The following SPOCK3 variants were observed in gnomAD, a reference collection of about 807,000 sequenced individuals.
The protein encoded by SPOCK3 is testican-3.
In SPOCK3, 30 loss-of-function variants were observed where a neutral mutation model predicts 56.6. That is an observed-to-expected ratio of 0.53 (90% confidence interval 0.40 to 0.72). The LOEUF (loss-of-function observed/expected upper bound fraction) is 0.72, where lower values mean the gene tolerates loss of function less well. Among genes scored for constraint, SPOCK3 ranks in the 30% least tolerant of loss-of-function variants. SPOCK3 has a pLI of 0.00. For missense variants in SPOCK3, 527 were observed against 530.0 expected (o/e 0.99, Z 0.06); for synonymous variants, 196 against 183.3 (o/e 1.07, Z -0.56).
intron 3 of SPOCK3, among the ~76,000 whole-genome samples, chr4:167,035,994 C>G (rs115435623): frequency 0.013 from 1,959 of 152,272 alleles, 21 homozygotes; most frequent in Non-Finnish European, 0.019. Context: ...AATATCACTA[C>G]AGATTACATT....
chr4:166,768,668 G>T (rs1268148126), intron 7 of SPOCK3, among the ~76,000 whole-genome samples: 2 of 152,064 alleles, frequency 1.3e-5, no homozygotes, highest in Non-Finnish European at 2.9e-5. Context: ...ACGTATCTTG[G>T]AGTTGCTCTT....
intron 3 of SPOCK3, among the ~76,000 whole-genome samples, chr4:167,040,434 C>T (rs1019970623): frequency 5.9e-5 from 9 of 152,182 alleles, no homozygotes; most frequent in Non-Finnish European, 1.3e-4. Flanking sequence ...TTGGAAATAG[C>T]AAGCCTCATT....
intron 6 of SPOCK3, among the ~76,000 whole-genome samples, chr4:166,826,851 C>G (rs1204926507): frequency 6.6e-6 from 1 of 152,034 alleles, no homozygotes; most frequent in Non-Finnish European, 1.5e-5. Context: ...CCACCTCTAG[C>G]CCTCGAAGAG....
In SPOCK3 at chr4:166,792,246, C is replaced by G; in HGVS notation, c.633G>C (p.Arg211=). ...TTTCATGAAGGGCCTTGAACCAGTC[C>G]CGCAATCTGTTTGCCACTTCCCTGA... is the stretch of plus-strand genomic sequence containing the variant. ...LEFREVANRL[R]DWFKALHESG... Residue 211 remains arginine, a synonymous_variant, in exon 7 of 11, where the codon CGG becomes CGC. Coordinates refer to ENST00000357545, the MANE Select transcript of SPOCK3 (RefSeq NM_001040159.2). 6.2e-7 allele frequency: 1 copy of G among 1,613,782 alleles called. No homozygotes were observed. Among genetic ancestry groups the G allele is most frequent in the Non-Finnish European group, 8.5e-7 (1 of 1,179,826 alleles).
At chr4:167,180,269 A>G (rs1440076557) in intron 2 of SPOCK3, among the ~76,000 whole-genome samples, 2 of 152,182 alleles carry the variant, frequency 1.3e-5, no homozygotes, top group Non-Finnish European at 2.9e-5. Context: ...GGAGGAGGAC[A>G]TATGCCAAGG....
intron 3 of SPOCK3, among the ~76,000 whole-genome samples, chr4:167,003,709 C>A (rs1749176133): frequency 6.6e-6 from 1 of 152,196 alleles, no homozygotes; most frequent in African/African-American, 2.4e-5. Context: ...CATTTGACTT[C>A]ACTTGGCTAT....
At chr4:167,206,502 T>A (rs1734349711) in intron 2 of SPOCK3, among the ~76,000 whole-genome samples, 1 of 152,096 alleles carries the variant, frequency 6.6e-6, no homozygotes, top group South Asian at 2.1e-4. Flanking sequence ...CATTAAAAAA[T>A]AAAACTATTA....
intron 4 of SPOCK3, among the ~76,000 whole-genome samples, chr4:166,919,810 C>T (rs1488710320): frequency 1.3e-5 from 2 of 152,014 alleles, no homozygotes; most frequent in Non-Finnish European, 2.9e-5. Context: ...AATTAATTAC[C>T]TCATTAAAAG....
intron 2 of SPOCK3, among the ~76,000 whole-genome samples, chr4:167,194,152 T>C (rs1732720524): frequency 8.0e-6 from 1 of 125,208 alleles, no homozygotes; most frequent in Admixed American, 8.7e-5. Flanking sequence ...GTTTTTGAGT[T>C]CACTGATTCT....
intron 6 of SPOCK3, among the ~76,000 whole-genome samples, chr4:166,881,423 T>A (rs892345202): frequency 5.3e-5 from 8 of 152,000 alleles, no homozygotes; most frequent in Non-Finnish European, 1.2e-4. Context: ...ACATACAGTG[T>A]CTTTACTTCA....
intron 7 of SPOCK3, among the ~76,000 whole-genome samples, chr4:166,788,832 G>A (rs544657247): frequency 1.3e-5 from 2 of 151,860 alleles, no homozygotes; most frequent in East Asian, 3.9e-4. Context: ...TGAATAAAAT[G>A]TAAAAATTAT....
chr4:167,231,778 A>G (rs1363978836), intron 2 of SPOCK3, among the ~76,000 whole-genome samples: 1 of 152,100 alleles, frequency 6.6e-6, no homozygotes, highest in Admixed American at 6.5e-5. Flanking sequence ...CATACCTTTC[A>G]TCATGTTAAT....
chr4:166,809,867 C>T (rs1225415005), intron 6 of SPOCK3, among the ~76,000 whole-genome samples: 4 of 151,920 alleles, frequency 2.6e-5, no homozygotes, highest in Non-Finnish European at 5.9e-5. Flanking sequence ...TGGAGCAAGA[C>T]AAAAATTAAG....
At chr4:166,773,429 TG>T (rs1479058714) in intron 7 of SPOCK3, among the ~76,000 whole-genome samples, 15 of 132,798 alleles carry the variant, frequency 1.1e-4, no homozygotes, top group Non-Finnish European at 2.3e-4. Flanking sequence ...TAAAAGTAAC[TG>T]TTTCTTTTAA....
chr4:167,101,933 C>T (rs1291323818), intron 2 of SPOCK3, among the ~76,000 whole-genome samples: 2 of 151,548 alleles, frequency 1.3e-5, no homozygotes, highest in Non-Finnish European at 2.9e-5. Context: ...ATGTTGACCT[C>T]GTGATCTGCC....
chr4:166,962,223 G>A (rs1345693865), intron 4 of SPOCK3, among the ~76,000 whole-genome samples: 1 of 152,090 alleles, frequency 6.6e-6, no homozygotes, highest in African/African-American at 2.4e-5. Context: ...TGACATGTAA[G>A]ATATTCACAA....
chr4:167,069,843 A>G (rs942029771), intron 2 of SPOCK3, among the ~76,000 whole-genome samples: 7 of 151,944 alleles, frequency 4.6e-5, no homozygotes, highest in African/African-American at 1.7e-4. Context: ...GGAATCATGT[A>G]GCAACTTGGC....
intron 8 of SPOCK3, among the ~76,000 whole-genome samples, chr4:166,743,051 T>TGTTCACAA (rs1285480533): frequency 6.6e-6 from 1 of 152,140 alleles, no homozygotes; most frequent in Non-Finnish European, 1.5e-5. Flanking sequence ...TGTTCACAAG[T>TGTTCACAA]GGTCCTGAGA....
At chr4:167,093,185 A>G (rs1194581736) in intron 2 of SPOCK3, among the ~76,000 whole-genome samples, 2 of 152,132 alleles carry the variant, frequency 1.3e-5, no homozygotes, top group Non-Finnish European at 2.9e-5. Flanking sequence ...GCCATATTGC[A>G]CCATAATTAC....
Sources: gnomAD v4.1 joint callset for allele counts (sites outside exome capture counted in the v4.1 genomes callset) on GRCh38, gnomAD v4.1.1 for gene constraint, MANE v1.5 for transcripts, NCBI Gene and HGNC (gene_info 2026-07-23, HGNC 2026-07-21) for gene names.